Variants in MTHFD2L observed in about 807,000 individuals in gnomAD.
MTHFD2L encodes the protein methylenetetrahydrofolate dehydrogenase (NADP+ dependent) 2 like.
Under a neutral mutation model 34.9 loss-of-function variants are expected in MTHFD2L, and 29 were observed. The observed-to-expected ratio is 0.83, with a 90% confidence interval of 0.62 to 1.13. The LOEUF is 1.13. Among genes scored for constraint, MTHFD2L ranks in the 50% most tolerant of loss-of-function variants. The pLI, the probability that MTHFD2L is intolerant of heterozygous loss-of-function variation, is 0.00. For synonymous variants in MTHFD2L, 167 were observed against 155.7 expected, an observed-to-expected ratio of 1.07 and a Z score of -0.54; for missense variants, 481 against 446.5, an observed-to-expected ratio of 1.08 and a Z score of -0.70.
intron 1 of MTHFD2L, among the ~76,000 whole-genome samples, chr4:74,131,975 C>T (rs1281715047): frequency 2.0e-5 from 3 of 151,856 alleles, no homozygotes; most frequent in African/African-American, 7.2e-5. Context: ...GCCAAAAAAA[C>T]ATATATAAAA....
intron 7 of MTHFD2L, among the ~76,000 whole-genome samples, chr4:74,296,175 A>AG (rs1253430010): frequency 1.3e-5 from 2 of 152,162 alleles, no homozygotes; most frequent in Non-Finnish European, 2.9e-5. Flanking sequence ...ATGATGCAAA[A>AG]TAAAGATGTT....
At chr4:74,229,429 T>G (rs1279727995) in intron 6 of MTHFD2L, among the ~76,000 whole-genome samples, 2 of 152,154 alleles carry the variant, frequency 1.3e-5, no homozygotes, top group Non-Finnish European at 2.9e-5. Context: ...GCTAGATCAC[T>G]GTCATAATGA....
chr4:74,144,310 G>A (rs1723455225), intron 1 of MTHFD2L, among the ~76,000 whole-genome samples: 1 of 152,058 alleles, frequency 6.6e-6, no homozygotes, highest in African/African-American at 2.4e-5. Context: ...AAAATTAGCT[G>A]GGCATGGTGG....
At chr4:74,269,479 A>G (rs1745697441) in intron 6 of MTHFD2L, among the ~76,000 whole-genome samples, 2 of 151,976 alleles carry the variant, frequency 1.3e-5, no homozygotes, top group Non-Finnish European at 2.9e-5. Context: ...TCATAATGGG[A>G]GTTTACAGCA....
chr4:74,296,393 T>C (rs1749638897), intron 7 of MTHFD2L, among the ~76,000 whole-genome samples: 2 of 152,128 alleles, frequency 1.3e-5, no homozygotes, highest in Non-Finnish European at 2.9e-5. Context: ...CACACATTTA[T>C]TTTGTCCCCA....
intron 7 of MTHFD2L, among the ~76,000 whole-genome samples, chr4:74,297,213 T>G (rs1560570751): frequency 6.6e-6 from 1 of 152,078 alleles, no homozygotes; most frequent in Non-Finnish European, 1.5e-5. Flanking sequence ...GAACTTACTT[T>G]AAACATTTCC....
intron 4 of MTHFD2L, among the ~76,000 whole-genome samples, chr4:74,200,582 C>T (rs574317014): frequency 6.6e-6 from 1 of 152,106 alleles, no homozygotes; most frequent in South Asian, 2.1e-4. Context: ...TAAACATTTA[C>T]CCTTGTACTG....
intron 5 of MTHFD2L, among the ~76,000 whole-genome samples, chr4:74,202,088 C>T (rs961030472): frequency 3.3e-5 from 5 of 152,186 alleles, no homozygotes; most frequent in African/African-American, 7.2e-5. Context: ...GCATCTGGGC[C>T]GCTTACAGAC....
intron 1 of MTHFD2L, among the ~76,000 whole-genome samples, chr4:74,172,651 G>A (rs987941971): frequency 1.3e-5 from 2 of 152,202 alleles, no homozygotes; most frequent in African/African-American, 4.8e-5. Context: ...CAGATTTCCA[G>A]GTTTTTCCCC....
At chr4:74,258,454 G>A (rs574766950) in intron 6 of MTHFD2L, among the ~76,000 whole-genome samples, 2 of 151,988 alleles carry the variant, frequency 1.3e-5, no homozygotes, top group East Asian at 3.9e-4. Flanking sequence ...GAACTGCACA[G>A]GTCCATTTAT....
At chr4:74,238,970 C>T (rs557862679) in intron 6 of MTHFD2L, among the ~76,000 whole-genome samples, 18 of 152,282 alleles carry the variant, frequency 1.2e-4, no homozygotes, top group East Asian at 3.9e-4. Context: ...TTTGACCCAG[C>T]GATCCCATTA....
At chr4:74,166,800 G>A (rs1259631297) in intron 1 of MTHFD2L, among the ~76,000 whole-genome samples, 2 of 152,190 alleles carry the variant, frequency 1.3e-5, no homozygotes, top group Non-Finnish European at 2.9e-5. Context: ...CACACTGTAA[G>A]CCTGCCCCAG....
At chr4:74,268,700 A>G (rs1010254492) in intron 6 of MTHFD2L, among the ~76,000 whole-genome samples, 8 of 152,098 alleles carry the variant, frequency 5.3e-5, no homozygotes, top group Non-Finnish European at 1.2e-4. Context: ...ATCCATAGGG[A>G]AGTGATTAAT....
chr4:74,119,611 G>A (rs1053808990), upstream of MTHFD2L, among the ~76,000 whole-genome samples: 7 of 151,984 alleles, frequency 4.6e-5, no homozygotes, highest in African/African-American at 1.2e-4. Context: ...GTGAAACCCC[G>A]TCTCTACTAA....
chr4:74,271,724 G>C (rs1746015933), intron 6 of MTHFD2L, among the ~76,000 whole-genome samples: 1 of 152,170 alleles, frequency 6.6e-6, no homozygotes, highest in Non-Finnish European at 1.5e-5. Context: ...TTGGTAGCTT[G>C]ATGGGGATGG....
chr4:74,248,303 A>G (rs1742785423), intron 6 of MTHFD2L, among the ~76,000 whole-genome samples: 1 of 152,116 alleles, frequency 6.6e-6, no homozygotes, highest in Non-Finnish European at 1.5e-5. Flanking sequence ...GGTAGTTTGT[A>G]TTTCTGTGGG....
intron 6 of MTHFD2L, among the ~76,000 whole-genome samples, chr4:74,255,916 G>T (rs1351709400): frequency 6.6e-6 from 1 of 152,110 alleles, no homozygotes; most frequent in Non-Finnish European, 1.5e-5. Context: ...GGACATCTAG[G>T]TTGATGCTAT....
At chr4:74,268,095 G>A in intron 6 of MTHFD2L, 2 of 984,910 alleles carry the variant, frequency 2.0e-6, no homozygotes, top group Non-Finnish European at 2.4e-6. Context: ...ATGTTCTGTG[G>A]TCACTGCCAC....
chr4:74,135,371 C>A (rs893976441), intron 1 of MTHFD2L, among the ~76,000 whole-genome samples: 2 of 152,056 alleles, frequency 1.3e-5, no homozygotes, highest in African/African-American at 4.8e-5. Context: ...CAATTAGGAA[C>A]CATTACATGC....
Sources: allele counts gnomAD v4.1 joint callset (sites outside exome capture counted in the v4.1 genomes callset), GRCh38; gene constraint gnomAD v4.1.1; transcripts MANE v1.5; gene names NCBI Gene and HGNC (gene_info 2026-07-23, HGNC 2026-07-21).